The following SUMF2 variants were observed in gnomAD, a reference collection of about 807,000 sequenced individuals.
SUMF2 encodes sulfatase modifying factor 2, also known as inactive C-alpha-formylglycine-generating enzyme 2.
In SUMF2, 45 loss-of-function variants were observed where a neutral mutation model predicts 44.8. The ratio of observed to expected loss-of-function variants is 1.00; its 90% CI spans 0.79 to 1.29. The LOEUF is 1.29. SUMF2 is among the 50% of genes most tolerant of loss of function. The pLI, the probability that SUMF2 is intolerant of heterozygous loss-of-function variation, is 0.00. For synonymous variants in SUMF2, 148 were observed against 150.4 expected (o/e 0.98, Z 0.12); for missense variants, 418 against 389.9 (o/e 1.07, Z -0.61).
chr7:56,086,869 C>T, the SUMF2 span: 367 of 888,480 alleles, frequency 4.1e-4, no homozygotes, highest in African/African-American at 5.0e-3. Flanking sequence ...GCATCCTCAG[C>T]GCAGGAGCTG....
At chr7:56,079,012 T>C in intron 8 of SUMF2, 2 of 614,802 alleles carry the variant, frequency 3.3e-6, no homozygotes, top group Admixed American at 2.3e-5. Context: ...TTCTTCCACC[T>C]CAGCTCCTCA....
At position 56,080,070 on chromosome 7, in the gene SUMF2, C is replaced by G. The variant is rs77666153; in HGVS notation, c.*458C>G. 3.9e-4 allele frequency: 232 copies of G among 599,692 alleles called. 2 individuals are homozygous for G. In the East Asian group the frequency reaches 6.5e-3, roughly 17 times the overall value. The allele number at this position is 599,692 out of a possible 1,614,324, so 37.1% of individuals were successfully genotyped here. On this transcript the variant is annotated 3_prime_UTR_variant, in exon 9 of 9. Transcript: ENST00000434526. Reference sequence around the variant, plus strand: ...GAGAATGCTTTCTTTGTGGCCTCATCTGTGGTTTCGTGTCCCTCTGAAGGA... The same window carrying G: ...GAGAATGCTTTCTTTGTGGCCTCATGTGTGGTTTCGTGTCCCTCTGAAGGA...
the SUMF2 span, chr7:56,086,911 G>T: frequency 7.6e-7 from 1 of 1,323,286 alleles, no homozygotes; most frequent in Non-Finnish European, 1.1e-6. Flanking sequence ...TGGGGTTGGG[G>T]AGGGGACAGC....
At chr7:56,082,275 G>A (rs115227938), downstream of SUMF2, 3,753 of 1,592,078 alleles carry the variant, frequency 2.4e-3, 82 homozygotes, top group African/African-American at 0.044. Flanking sequence ...GTCATCATCA[G>A]GGCAGGTCAG....
intron 8 of SUMF2, chr7:56,079,015 GCTC>G (rs1378641540): frequency 3.3e-6 from 2 of 609,406 alleles, no homozygotes; most frequent in Admixed American, 2.4e-5. Context: ...TTCCACCTCA[GCTC>G]CTCAAGTATC....
At chr7:56,070,732 A>C (rs1795102112) in intron 2 of SUMF2, among the ~76,000 whole-genome samples, 1 of 152,174 alleles carries the variant, frequency 6.6e-6, no homozygotes, top group Non-Finnish European at 1.5e-5. Context: ...CATGATCTCC[A>C]AAAACAGGAG....
chr7:56,074,747 G>A lies in SUMF2; in HGVS notation c.535+11G>A. 6.2e-7 allele frequency: 1 copy of A among 1,614,026 alleles called. No individual in the cohort carries two copies. The highest frequency in any genetic ancestry group is 8.5e-7 in the Non-Finnish European group (1 of 1,179,950). ...GAGGGGGCTTGAAGGGTATCCAGAT[G>A]ATAAGGCGATTTTCCTTTATTCTTC... On this transcript the variant is annotated intron_variant, in intron 5 of 8. Coordinates refer to ENST00000434526, the MANE Select transcript of SUMF2 (RefSeq NM_015411.4).
chr7:56,068,023 TTTTC>T (rs375935331), intron 1 of SUMF2, among the ~76,000 whole-genome samples: 93 of 136,458 alleles, frequency 6.8e-4, no homozygotes, highest in Non-Finnish European at 1.3e-3. Context: ...AATTTTCTTT[TTTTC>T]TTTCTTTTTT....
At chr7:56,077,993 C>A in intron 6 of SUMF2, 109 bp from the exon 7 acceptor site, 1 of 899,746 alleles carries the variant, frequency 1.1e-6, no homozygotes, top group Non-Finnish European at 1.8e-6. Flanking sequence ...CCGTGCCCTT[C>A]CCCTTCCCCA....
intron 5 of SUMF2, among the ~76,000 whole-genome samples, chr7:56,076,318 G>A (rs1238114234): frequency 6.6e-6 from 1 of 151,966 alleles, no homozygotes; most frequent in Non-Finnish European, 1.5e-5. Flanking sequence ...GAGCCACCAT[G>A]CCCTGCATAA....
At chr7:56,076,739 A>T in intron 5 of SUMF2, 95 bp from the exon 6 acceptor site, 1 of 1,195,254 alleles carries the variant, frequency 8.4e-7, no homozygotes, top group Non-Finnish European at 1.2e-6. Context: ...TCACCCTCTA[A>T]CTTCCTTTTG....
downstream of SUMF2, among the ~76,000 whole-genome samples, chr7:56,084,980 C>T (rs1796193036): frequency 6.6e-6 from 1 of 151,216 alleles, no homozygotes; most frequent in African/African-American, 2.4e-5. Flanking sequence ...TGGAGGGGTC[C>T]GAGAAAGTCT....
chr7:56,067,030 C>T (rs1277679714), intron 1 of SUMF2, among the ~76,000 whole-genome samples: 1 of 152,208 alleles, frequency 6.6e-6, no homozygotes, highest in East Asian at 1.9e-4. Flanking sequence ...GATATACTGT[C>T]ATATATGTAT....
intron 2 of SUMF2, among the ~76,000 whole-genome samples, 195 bp from the exon 3 acceptor site, chr7:56,072,802 T>C (rs1795264332): frequency 6.6e-6 from 1 of 152,138 alleles, no homozygotes. Flanking sequence ...AGAGAGTGAA[T>C]TTTACTGTAT....
chr7:56,087,359 T>G, the SUMF2 span, among the ~76,000 whole-genome samples: 1 of 151,928 alleles, frequency 6.6e-6, no homozygotes, highest in Non-Finnish European at 1.5e-5. Flanking sequence ...GTGGCTGGGA[T>G]TACAGGCATG....
downstream of SUMF2, chr7:56,084,007 A>AAG (rs1796143143): frequency 1.6e-6 from 1 of 617,618 alleles, no homozygotes; most frequent in Non-Finnish European, 2.8e-6. Flanking sequence ...CCCTGGAAAA[A>AAG]TTTTTCCCAC....
chr7:56,073,642 T>C, intron 3 of SUMF2: 1 of 167,838 alleles, frequency 6.0e-6, no homozygotes, highest in Non-Finnish European at 1.3e-5. Context: ...AGACTGTGTC[T>C]CAAAAGAAAA....
rs776939923 is a variant in SUMF2, at chr7:56,079,584, A to G, written c.878A>G (p.Asp293Gly). 32 of 1,614,076 alleles carry G rather than the reference A, an allele frequency of 2.0e-5. No homozygotes were observed. Among genetic ancestry groups the G allele is most frequent in the Non-Finnish European group, 2.6e-5 (31 of 1,180,054 alleles). Residue 293 changes from aspartate (D) to glycine (G), a missense_variant, in exon 9 of 9, where the codon GAC (aspartate) becomes GGC (glycine). By Grantham distance (94) the Asp-to-Gly change is moderately conservative. Coordinates refer to ENST00000434526, the MANE Select transcript of SUMF2 (RefSeq NM_015411.4). ...SDNLGFRCAA[D>G]AGRPPGEL ...AACCTCGGTTTCCGCTGTGCTGCAGACGCAGGCCGGCCGCCAGGGGAGCTG... is the reference window on the plus strand; with the variant it reads ...AACCTCGGTTTCCGCTGTGCTGCAGGCGCAGGCCGGCCGCCAGGGGAGCTG...
chr7:56,071,528 T>C (rs900276737), intron 2 of SUMF2, among the ~76,000 whole-genome samples: 2 of 151,688 alleles, frequency 1.3e-5, no homozygotes, highest in African/African-American at 4.9e-5. Context: ...GGCTCACACC[T>C]GTAATCCCAG....
Sources: allele counts gnomAD v4.1 joint callset (sites outside exome capture counted in the v4.1 genomes callset), GRCh38; gene constraint gnomAD v4.1.1; transcripts MANE v1.5; gene names NCBI Gene and HGNC (gene_info 2026-07-23, HGNC 2026-07-21).